TBCK: variants seen among roughly 807,000 people sequenced by gnomAD.
TBCK encodes the protein TBC domain-containing protein kinase-like protein.
A neutral mutation model predicts 113.4 loss-of-function variants in TBCK; 99 were observed. That is an observed-to-expected ratio of 0.87 (90% CI 0.74 to 1.03). The LOEUF (loss-of-function observed/expected upper bound fraction) is 1.03, where lower values mean the gene tolerates loss of function less well. Among genes scored for constraint, TBCK ranks in the 50% least tolerant of loss-of-function variants. The pLI, the probability that TBCK is intolerant of heterozygous loss-of-function variation, is 0.00. For synonymous variants in TBCK, 369 were observed against 370.8 expected (o/e 1.00, Z 0.05); for missense variants, 1,045 against 1,061.3 (o/e 0.98, Z 0.21).
chr4:106,096,257 G>A (rs956431479), intron 24 of TBCK, among the ~76,000 whole-genome samples: 1 of 152,060 alleles, frequency 6.6e-6, no homozygotes, highest in South Asian at 2.1e-4. Flanking sequence ...GAAGAGTAAT[G>A]ACTTTTCTCT....
At chr4:106,305,919 C>A (rs1486388401) in intron 2 of TBCK, among the ~76,000 whole-genome samples, 2 of 152,198 alleles carry the variant, frequency 1.3e-5, no homozygotes, top group Non-Finnish European at 2.9e-5. Context: ...ATAATCCACT[C>A]ATTGTTTAGC....
chr4:106,131,384 G>A (rs532544159), intron 23 of TBCK, among the ~76,000 whole-genome samples: 77 of 152,326 alleles, frequency 5.1e-4, no homozygotes, highest in African/African-American at 1.6e-3. Flanking sequence ...AGGCCAAGGC[G>A]GGCGGATCAC....
At chr4:106,230,488 C>A in intron 18 of TBCK, 42 bp from the exon 19 acceptor site, 2 of 1,276,614 alleles carry the variant, frequency 1.6e-6, no homozygotes, top group Non-Finnish European at 2.2e-6. Context: ...AATTAGTTAA[C>A]AGGGTAGATG....
chr4:106,086,758 C>T (rs576740623), intron 25 of TBCK, among the ~76,000 whole-genome samples: 18 of 152,110 alleles, frequency 1.2e-4, no homozygotes, highest in Admixed American at 2.0e-4. Flanking sequence ...TTCATCCCTG[C>T]GATGTAAAGC....
rs747054738 is a variant in TBCK at position 106,311,417 on chromosome 4, T to C, written c.-29-2428A>G. 5.7e-4 allele frequency among the ~76,000 whole-genome samples: 87 copies of C among 152,242 alleles called. 3 individuals are homozygous for C. Among genetic ancestry groups the C allele is most frequent in the Admixed American group, 1.7e-3 (26 of 15,286 alleles). On this transcript the variant is annotated intron_variant, in intron 1 of 25. Coordinates refer to ENST00000394708, the MANE Select transcript of TBCK (RefSeq NM_001163435.3). ...CTATAGCCATATTTAATAGCATAGA[T>C]GAATCTTAGAAATATAATATTGAGT... is the stretch of plus-strand genomic sequence containing the variant.
intron 9 of TBCK, chr4:106,247,493 T>C: frequency 2.1e-6 from 1 of 479,558 alleles, no homozygotes; most frequent in South Asian, 2.9e-5. Context: ...TTTACTTATG[T>C]TGTACTTTAC....
chr4:106,116,192 G>A lies in TBCK; in HGVS notation c.2411+11C>T. ...AGTACCACCCTTTAAAACAGCATATGCAAAGGATACTCTTCACTATTCCGG... is the reference window on the plus strand; with the variant it reads ...AGTACCACCCTTTAAAACAGCATATACAAAGGATACTCTTCACTATTCCGG... On this transcript the variant is annotated intron_variant, in intron 24 of 25. Coordinates refer to ENST00000394708, the MANE Select transcript of TBCK (RefSeq NM_001163435.3). 3.1e-6 allele frequency: 5 copies of A among 1,613,122 alleles called. No individual in the cohort carries two copies. Among genetic ancestry groups the A allele is most frequent in the Non-Finnish European group, 3.4e-6 (4 of 1,179,454 alleles).
intron 23 of TBCK, among the ~76,000 whole-genome samples, chr4:106,121,056 T>C (rs1744289794): frequency 2.0e-5 from 3 of 152,064 alleles, no homozygotes; most frequent in Non-Finnish European, 4.4e-5. Context: ...GCAAAGAAGT[T>C]GAAAACTTTG....
chr4:106,182,696 A>G (rs898540002), intron 22 of TBCK: 13 of 152,094 alleles, frequency 8.5e-5, no homozygotes, highest in African/African-American at 3.1e-4. Context: ...CAATAACACA[A>G]TGAAATTATC....
At chr4:106,208,770 C>A (rs1330068401) in intron 20 of TBCK, among the ~76,000 whole-genome samples, 1 of 152,136 alleles carries the variant, frequency 6.6e-6, no homozygotes, top group Non-Finnish European at 1.5e-5. Context: ...GACCTCTGGG[C>A]ACCACACACC....
intron 22 of TBCK, among the ~76,000 whole-genome samples, chr4:106,183,848 A>C (rs894991611): frequency 5.3e-5 from 8 of 152,054 alleles, no homozygotes; most frequent in Admixed American, 5.2e-4. Flanking sequence ...CACCATTAGT[A>C]ATCTATACAA....
rs1361179993 is a variant in TBCK, at chr4:106,136,675, T to C, written c.2236-20297A>G. Among the ~76,000 whole-genome samples, 2 of 140,764 alleles carry C rather than the reference T, an allele frequency of 1.4e-5. 1 individual carries two copies. The highest frequency in any genetic ancestry group is 3.2e-5 in the Non-Finnish European group (2 of 62,024). 92.3% of individuals were successfully genotyped at this position (140,764 alleles called of 152,430 possible). On this transcript the variant is annotated intron_variant, in intron 23 of 25. Coordinates refer to ENST00000394708, the MANE Select transcript of TBCK (RefSeq NM_001163435.3). Reference sequence around the variant, plus strand: ...AATGATGCAGAAAGTTCAGTCAGCATCCTATTTTAATTTGAATCCTAATTT... The same window carrying C: ...AATGATGCAGAAAGTTCAGTCAGCACCCTATTTTAATTTGAATCCTAATTT...
At chr4:106,086,126 A>G (rs1003561845) in intron 25 of TBCK, among the ~76,000 whole-genome samples, 2 of 148,086 alleles carry the variant, frequency 1.4e-5, no homozygotes, top group Non-Finnish European at 3.0e-5. Flanking sequence ...GACATGAAAA[A>G]CCCTCCAAAA....
intron 24 of TBCK, among the ~76,000 whole-genome samples, chr4:106,110,773 C>T (rs879338536): frequency 6.6e-6 from 1 of 152,118 alleles, no homozygotes; most frequent in Non-Finnish European, 1.5e-5. Flanking sequence ...GAAGAACTGT[C>T]ACCTACCTTA....
intron 22 of TBCK, among the ~76,000 whole-genome samples, chr4:106,179,730 C>T (rs944568516): frequency 2.0e-5 from 3 of 151,936 alleles, no homozygotes; most frequent in East Asian, 1.9e-4. Context: ...TTGGATGGAA[C>T]GTTCTGTAAA....
chr4:106,147,512 T>C (rs1747944569), intron 23 of TBCK, among the ~76,000 whole-genome samples: 1 of 152,164 alleles, frequency 6.6e-6, no homozygotes, highest in Non-Finnish European at 1.5e-5. Context: ...ATTTATTAGT[T>C]CCCCAAATTA....
intron 24 of TBCK, among the ~76,000 whole-genome samples, chr4:106,108,752 T>C (rs1360014034): frequency 3.3e-5 from 5 of 152,144 alleles, no homozygotes; most frequent in African/African-American, 1.2e-4. Context: ...TTGAAAGTCC[T>C]AGTCAGAGCA....
Position 106,041,688 on chromosome 4 carries a change from G to A in TBCK, c.*4882C>T, listed in dbSNP as rs1278612777. 6.6e-6 allele frequency: 1 copy of A among 152,140 alleles called. No homozygotes were observed. The allele number at this position is 152,140 out of a possible 1,614,324, so 9.4% of individuals were successfully genotyped here. A position where few individuals can be genotyped will look rare whatever the true frequency, so the allele number is the denominator to read the frequency against. On this transcript the variant is annotated 3_prime_UTR_variant, in exon 26 of 26. Coordinates refer to ENST00000394708, the MANE Select transcript of TBCK (RefSeq NM_001163435.3). ...TGCAGACAATGCAAACTAATAATAGGTCCTCTGAAAGGAATGAGAAAGGAT... is the reference window on the plus strand; with the variant it reads ...TGCAGACAATGCAAACTAATAATAGATCCTCTGAAAGGAATGAGAAAGGAT...
In TBCK at chr4:106,236,577, C is replaced by A. The variant is rs1759497659; in HGVS notation, c.1221-58G>T. The stretch of plus-strand genomic sequence containing the variant: ...AAATGGACAAAAGGTACAAAATTTT[C>A]TTTTTTTTTCCTAACTCTACCAACA... On this transcript the variant is annotated intron_variant, in intron 13 of 25. Coordinates refer to ENST00000394708, the MANE Select transcript of TBCK (RefSeq NM_001163435.3). The A allele has an allele frequency of 2.3e-6, 3 of 1,286,898 alleles. No homozygotes were observed. The African/African-American group carries it at 4.6e-5, about 20-fold the overall frequency. The allele number at this position is 1,286,898 out of a possible 1,614,324, so 79.7% of individuals were successfully genotyped here.
Sources: gnomAD v4.1 joint callset for allele counts (sites outside exome capture counted in the v4.1 genomes callset) on GRCh38, gnomAD v4.1.1 for gene constraint, MANE v1.5 for transcripts, NCBI Gene and HGNC (gene_info 2026-07-23, HGNC 2026-07-21) for gene names.